The following BIN2 variants were observed in gnomAD, a reference collection of about 807,000 sequenced individuals.
BIN2 encodes the protein bridging integrator 2.
A neutral mutation model predicts 67.9 loss-of-function variants in BIN2; 43 were observed. The observed-to-expected ratio is 0.63, with a 90% CI of 0.50 to 0.82. BIN2 has a LOEUF of 0.82. Ranked by LOEUF, BIN2 falls within the 40% of genes least tolerant of loss-of-function variation. The pLI is 0.00. For missense variants in BIN2, 581 were observed against 671.6 expected (o/e 0.87, Z 1.49); for synonymous variants, 244 against 246.8 (o/e 0.99, Z 0.11).
intron 9 of BIN2, among the ~76,000 whole-genome samples, 160 bp downstream of exon 9, chr12:51,295,636 T>C (rs1249290086): frequency 9.0e-6 from 1 of 111,444 alleles, no homozygotes; most frequent in African/African-American, 3.5e-5. Flanking sequence ...ATATATTTAG[T>C]AAAAAGCAAA....
At chr12:51,307,282 C>CAAAAAAAAAAA (rs11348350) in intron 2 of BIN2, among the ~76,000 whole-genome samples, 1 of 101,582 alleles carries the variant, frequency 9.8e-6, no homozygotes, top group Non-Finnish European at 2.1e-5. Context: ...GACTCTGACT[C>CAAAAAAAAAAA]AAAAAAAAAA....
At chr12:51,295,753 C>T (rs1309203114) in intron 9 of BIN2, 43 bp downstream of exon 9, 3 of 1,542,934 alleles carry the variant, frequency 1.9e-6, no homozygotes, top group East Asian at 2.2e-5. Flanking sequence ...AATACATTCA[C>T]ACACAGGACA....
chr12:51,296,532 T>C (rs1945572693), intron 8 of BIN2, among the ~76,000 whole-genome samples: 1 of 151,990 alleles, frequency 6.6e-6, no homozygotes, highest in South Asian at 2.1e-4. Context: ...ATTTTTAATA[T>C]TAACTAGGCA....
chr12:51,295,798 T>A lies in BIN2; in HGVS notation c.759A>T (p.Ser253=). Residue 253 remains serine (S), a splice_region_variant and synonymous_variant, in exon 9 of 13, where the codon TCA becomes TCT. Transcript: ENST00000615107. The part of the protein sequence containing the change: ...SNKVFVVKGL[S]SSSRRSLVIS... ...AAAAAGTCTTGGATGCTGCTCACCT[T>A]GACAGTCCCTTCACCACAAAGACTT... 6.2e-7 allele frequency: 1 copy of A among 1,612,804 alleles called. No individual in the cohort carries two copies. Among genetic ancestry groups the A allele is most frequent in the Non-Finnish European group, 8.5e-7 (1 of 1,179,536 alleles).
rs1347721718 is a variant in BIN2 at position 51,299,204 on chromosome 12, T to G, written c.601A>C (p.Ser201Arg). ...CCTTTTCTGAATTTCAGTCATTACC[T>G]ATTATAAAGAATAGGCAGCTCCTCT... The part of the protein sequence containing the change: ...LLEELPILYN[S>R]RIGCYVTIFQ... Residue 201 changes from serine (S) to arginine (R), a missense_variant and splice_region_variant, in exon 7 of 13, where the codon AGT (serine) becomes CGT (arginine). Physicochemically the swap from Ser to Arg is moderately radical, Grantham distance 110 (BLOSUM62 -1). Transcript: ENST00000615107. 1 of 1,609,552 alleles carries G rather than the reference T, an allele frequency of 6.2e-7. No individual in the cohort carries two copies. The highest frequency in any genetic ancestry group is 8.5e-7 in the Non-Finnish European group (1 of 1,175,900).
rs563835313 is a variant in BIN2, at chr12:51,302,939, C to T, written c.217+148G>A. ...TGGATGGGGCTGAAAGGAAAAGTCA[C>T]TCTTCCTCAGCCCACAAAATTCCAG... On this transcript the variant is annotated intron_variant, in intron 3 of 12. Coordinates refer to ENST00000615107, the MANE Select transcript of BIN2 (RefSeq NM_016293.4). 3.1e-4 allele frequency: 351 copies of T among 1,141,610 alleles called. 1 individual carries two copies. In the Middle Eastern group the frequency reaches 4.5e-3, roughly 15 times the overall value. The allele number at this position is 1,141,610 out of a possible 1,614,324, so 70.7% of individuals were successfully genotyped here. A position where few individuals can be genotyped will look rare whatever the true frequency, so the allele number is the denominator to read the frequency against.
At chr12:51,286,321 G>A (rs546841953) in intron 11 of BIN2, among the ~76,000 whole-genome samples, 25 of 152,172 alleles carry the variant, frequency 1.6e-4, no homozygotes, top group African/African-American at 5.8e-4. Flanking sequence ...TAATTCTACA[G>A]GAAAAATATT....
chr12:51,298,071 C>G (rs2137384467), intron 7 of BIN2, among the ~76,000 whole-genome samples: 2 of 152,078 alleles, frequency 1.3e-5, no homozygotes, highest in Admixed American at 1.3e-4. Flanking sequence ...CAGGGTGAAA[C>G]CTGTCAAAAA....
chr12:51,291,464 G>C, intron 10 of BIN2, 127 bp downstream of exon 10: 1 of 914,650 alleles, frequency 1.1e-6, no homozygotes, highest in Non-Finnish European at 1.6e-6. Context: ...GATCACTTGA[G>C]CTTGAGAGGT....
At chr12:51,313,958 G>C in intron 1 of BIN2, 55 bp from the exon 2 acceptor site, 3 of 1,447,974 alleles carry the variant, frequency 2.1e-6, no homozygotes, top group Non-Finnish European at 9.7e-7. Context: ...TCTCTTACAT[G>C]TTGGCCTCAT....
intron 1 of BIN2, among the ~76,000 whole-genome samples, chr12:51,318,458 C>T (rs1000529304): frequency 9.9e-5 from 15 of 152,094 alleles, no homozygotes; most frequent in Non-Finnish European, 1.6e-4. Context: ...GACAGGGTTT[C>T]GCCATGTTGG....
intron 1 of BIN2, among the ~76,000 whole-genome samples, chr12:51,317,992 AAAAAAG>A (rs972465918): frequency 4.8e-4 from 73 of 152,326 alleles, no homozygotes; most frequent in Admixed American, 4.1e-3. Flanking sequence ...CGTCTCAAGA[AAAAAAG>A]AAAAAGAAAA....
At chr12:51,287,721 G>A (rs561837233) in intron 11 of BIN2, among the ~76,000 whole-genome samples, 48 of 149,854 alleles carry the variant, frequency 3.2e-4, no homozygotes, top group Non-Finnish European at 6.1e-4. Flanking sequence ...GCGCAATCTC[G>A]GCTCACTGCA....
chr12:51,323,998 A>G (rs1565695601), intron 1 of BIN2, 24 bp downstream of exon 1: 1 of 1,611,298 alleles, frequency 6.2e-7, no homozygotes, highest in Non-Finnish European at 8.5e-7. Context: ...TGGGCCAGAC[A>G]GACAGCGAGG....
chr12:51,285,207 C>T (rs980210570), intron 11 of BIN2, among the ~76,000 whole-genome samples: 5 of 152,122 alleles, frequency 3.3e-5, no homozygotes, highest in African/African-American at 9.7e-5. Context: ...ATTCATGACA[C>T]GCAGTTAGGA....
At chr12:51,290,552 C>T (rs1455262745) in intron 10 of BIN2, among the ~76,000 whole-genome samples, 1 of 151,876 alleles carries the variant, frequency 6.6e-6, no homozygotes, top group Non-Finnish European at 1.5e-5. Flanking sequence ...ACTGGCTGGG[C>T]GAGGTGGCTC....
At chr12:51,290,420 C>T (rs1405717768) in intron 10 of BIN2, among the ~76,000 whole-genome samples, 16 of 151,964 alleles carry the variant, frequency 1.1e-4, no homozygotes, top group African/African-American at 1.9e-4. Context: ...TGAGACACGA[C>T]GCCCGGCTTC....
chr12:51,283,784 C>T (rs1415599222), intron 12 of BIN2, among the ~76,000 whole-genome samples: 2 of 152,008 alleles, frequency 1.3e-5, no homozygotes, highest in Non-Finnish European at 1.5e-5. Context: ...CATCTGAGGT[C>T]GGGAGTTTGA....
At chr12:51,321,679 G>A (rs976170254) in intron 1 of BIN2, among the ~76,000 whole-genome samples, 6 of 152,170 alleles carry the variant, frequency 3.9e-5, no homozygotes, top group Non-Finnish European at 7.3e-5. Context: ...GATTACAGGC[G>A]TGAGCCACTG....
Sources: gnomAD v4.1 joint callset for allele counts (sites outside exome capture counted in the v4.1 genomes callset) on GRCh38, gnomAD v4.1.1 for gene constraint, MANE v1.5 for transcripts, NCBI Gene and HGNC (gene_info 2026-07-23, HGNC 2026-07-21) for gene names.